Variants in SLIT3 observed in about 807,000 individuals in gnomAD.
SLIT3 encodes the protein slit homolog 3 protein.
Under a neutral mutation model 184.0 loss-of-function variants are expected in SLIT3, and 68 were observed. That is an observed-to-expected ratio of 0.37 (90% CI 0.30 to 0.45). SLIT3 has a LOEUF of 0.45. SLIT3 is among the 20% of genes least tolerant of loss of function. The pLI, the probability that SLIT3 is intolerant of heterozygous loss-of-function variation, is 1.00. For synonymous variants in SLIT3, 831 were observed against 828.6 expected (o/e 1.00, Z -0.05); for missense variants, 1,707 against 2,026.0 (o/e 0.84, Z 3.02).
intron 5 of SLIT3, among the ~76,000 whole-genome samples, chr5:168,847,885 G>A (rs886880106): frequency 6.6e-6 from 1 of 152,086 alleles, no homozygotes; most frequent in Non-Finnish European, 1.5e-5. Flanking sequence ...CCTTTGAAAG[G>A]CCTCCTTCAA....
At chr5:168,716,634 C>T (rs936351539) in intron 23 of SLIT3, among the ~76,000 whole-genome samples, 1 of 152,252 alleles carries the variant, frequency 6.6e-6, no homozygotes, top group Non-Finnish European at 1.5e-5. Flanking sequence ...GACCTGATTC[C>T]AGGACTGCAG....
At chr5:168,807,094 C>A (rs1756992933) in intron 8 of SLIT3, among the ~76,000 whole-genome samples, 2 of 152,136 alleles carry the variant, frequency 1.3e-5, no homozygotes, top group Non-Finnish European at 2.9e-5. Flanking sequence ...GCAGCTACAC[C>A]CAAGGCATTT....
At chr5:168,906,986 G>C (rs1011268681) in intron 4 of SLIT3, among the ~76,000 whole-genome samples, 3 of 151,938 alleles carry the variant, frequency 2.0e-5, no homozygotes, top group South Asian at 2.1e-4. Flanking sequence ...TCAGCCTCCC[G>C]AGTAGCTGGG....
chr5:168,691,342 G>A (rs903280805), intron 29 of SLIT3, among the ~76,000 whole-genome samples: 12 of 152,230 alleles, frequency 7.9e-5, no homozygotes, highest in African/African-American at 2.9e-4. Context: ...AAGATTCTGT[G>A]ATTGGGCTTT....
At chr5:169,034,863 C>T (rs1757170730) in intron 4 of SLIT3, among the ~76,000 whole-genome samples, 1 of 151,650 alleles carries the variant, frequency 6.6e-6, no homozygotes, top group South Asian at 2.1e-4. Context: ...CCTCCCACCT[C>T]AGCCCCTTAA....
At chr5:168,913,310 G>A (rs889528882) in intron 4 of SLIT3, among the ~76,000 whole-genome samples, 5 of 152,208 alleles carry the variant, frequency 3.3e-5, no homozygotes, top group African/African-American at 4.8e-5. Context: ...TAAGGCAACT[G>A]GCTGCCATTG....
intron 3 of SLIT3, among the ~76,000 whole-genome samples, chr5:169,217,130 TAAA>T (rs55757348): frequency 0.057 from 7,278 of 126,864 alleles, 300 homozygotes; most frequent in East Asian, 0.21. Flanking sequence ...TTGAGTAGGT[TAAA>T]AAAAAAAAAA....
At chr5:168,689,104 A>G (rs1761832953) in intron 29 of SLIT3, among the ~76,000 whole-genome samples, 1 of 152,122 alleles carries the variant, frequency 6.6e-6, no homozygotes, top group African/African-American at 2.4e-5. Flanking sequence ...TGAGCATACA[A>G]AACACCCAGG....
At chr5:168,849,204 G>A (rs1346491553) in intron 5 of SLIT3, among the ~76,000 whole-genome samples, 1 of 152,198 alleles carries the variant, frequency 6.6e-6, no homozygotes, top group East Asian at 1.9e-4. Flanking sequence ...TGCAAGGTCT[G>A]CACATCAGGG....
chr5:168,954,106 A>G (rs1191281793), intron 4 of SLIT3, among the ~76,000 whole-genome samples: 2 of 152,164 alleles, frequency 1.3e-5, no homozygotes, highest in African/African-American at 2.4e-5. Flanking sequence ...TAGATGATCA[A>G]GCGTCGGGAG....
chr5:169,249,303 G>T (rs1238589007), intron 2 of SLIT3, among the ~76,000 whole-genome samples: 1 of 151,894 alleles, frequency 6.6e-6, no homozygotes, highest in African/African-American at 2.4e-5. Context: ...ACTGGGGGAT[G>T]GGGGGTAGGG....
intron 3 of SLIT3, among the ~76,000 whole-genome samples, chr5:169,212,135 C>G (rs962128237): frequency 6.6e-6 from 1 of 152,054 alleles, no homozygotes; most frequent in Non-Finnish European, 1.5e-5. Flanking sequence ...GGGTATATAC[C>G]CAGTAATGGG....
chr5:169,016,963 G>T (rs2113475897), intron 4 of SLIT3, among the ~76,000 whole-genome samples: 2 of 152,268 alleles, frequency 1.3e-5, no homozygotes, highest in South Asian at 4.2e-4. Flanking sequence ...AGCAAGAGTG[G>T]GGTTTGAATC....
intron 1 of SLIT3, among the ~76,000 whole-genome samples, chr5:169,262,100 T>A (rs1766211017): frequency 6.6e-6 from 1 of 152,098 alleles, no homozygotes; most frequent in Non-Finnish European, 1.5e-5. Context: ...AACCAAACCC[T>A]TGTGTGCAGC....
At chr5:169,185,033 G>A (rs537014887) in intron 4 of SLIT3, among the ~76,000 whole-genome samples, 49 of 152,274 alleles carry the variant, frequency 3.2e-4, no homozygotes, top group Non-Finnish European at 5.9e-4. Context: ...ACATCCTATC[G>A]GAGGAGAGAG....
In SLIT3 at chr5:168,722,246, G is replaced by A. The variant is rs1431922297; in HGVS notation, c.2483+10C>T. 2 of 1,613,166 alleles carry A rather than the reference G, an allele frequency of 1.2e-6. No individual in the cohort carries two copies. The highest frequency in any genetic ancestry group is 1.7e-5 in the Admixed American group (1 of 59,998). ...TGTGTAAGTCAAAATCAGCACATTG[G>A]GGTACTCACAGCACTCGCAGGGACC... On this transcript the variant is annotated intron_variant, in intron 23 of 35. Coordinates refer to ENST00000519560, the MANE Select transcript of SLIT3 (RefSeq NM_003062.4).
intron 1 of SLIT3, among the ~76,000 whole-genome samples, chr5:169,258,673 G>A (rs551929129): frequency 1.3e-5 from 2 of 152,326 alleles, no homozygotes; most frequent in South Asian, 2.1e-4. Context: ...GACACCTTGG[G>A]TGGGGTAGGG....
intron 4 of SLIT3, among the ~76,000 whole-genome samples, chr5:168,923,956 G>A (rs552700631): frequency 2.1e-4 from 32 of 152,334 alleles, no homozygotes; most frequent in African/African-American, 5.3e-4. Context: ...TGTTGTCTAC[G>A]GCTGCTTTTG....
intron 4 of SLIT3, among the ~76,000 whole-genome samples, chr5:169,037,100 C>T (rs916699065): frequency 6.6e-6 from 1 of 150,702 alleles, no homozygotes; most frequent in East Asian, 2.0e-4. Context: ...TCAGCCCCCA[C>T]CTCCATCGTG....
Sources: gnomAD v4.1 joint callset for allele counts (sites outside exome capture counted in the v4.1 genomes callset) on GRCh38, gnomAD v4.1.1 for gene constraint, MANE v1.5 for transcripts, NCBI Gene and HGNC (gene_info 2026-07-23, HGNC 2026-07-21) for gene names.